The following LLGL1 variants were observed in gnomAD, a reference collection of about 807,000 sequenced individuals.
LLGL1 encodes LLGL scribble cell polarity complex component 1.
A neutral mutation model predicts 110.6 loss-of-function variants in LLGL1; 58 were observed. The ratio of observed to expected loss-of-function variants is 0.52; its 90% confidence interval spans 0.42 to 0.65. LLGL1 has a LOEUF of 0.65. Ranked by LOEUF, LLGL1 falls within the 30% of genes least tolerant of loss-of-function variation. LLGL1 has a pLI of 0.00. For synonymous variants in LLGL1, 674 were observed against 607.2 expected, an observed-to-expected ratio of 1.11 and a Z score of -1.62; for missense variants, 1,229 against 1,462.1, an observed-to-expected ratio of 0.84 and a Z score of 2.60.
At chr17:18,226,892 A>G (rs1252335741) in intron 1 of LLGL1, among the ~76,000 whole-genome samples, 1 of 152,258 alleles carries the variant, frequency 6.6e-6, no homozygotes, top group African/African-American at 2.4e-5. Context: ...GTGCTCTTCG[A>G]AATTAGAGTT....
At chr17:18,241,356 G>C (rs1434805827) in intron 17 of LLGL1, 95 bp from the exon 18 acceptor site, 2 of 1,478,272 alleles carry the variant, frequency 1.4e-6, no homozygotes, top group African/African-American at 2.8e-5. Context: ...GCTGGGCTTT[G>C]TGGTGGGGGC....
At chr17:18,233,474 G>T (rs2047615120) in intron 4 of LLGL1, among the ~76,000 whole-genome samples, 1 of 152,160 alleles carries the variant, frequency 6.6e-6, no homozygotes, top group Admixed American at 6.5e-5. Flanking sequence ...TCAGCGGGGA[G>T]CTCCTGGTCC....
chr17:18,238,470 T>C lies in LLGL1; in HGVS notation c.2067T>C (p.Asn689=), dbSNP rs2047746581. Residue 689 remains asparagine (N), a synonymous_variant, in exon 16 of 23, where the codon AAT becomes AAC. Transcript: ENST00000316843. ...ANASSKLQEA[N]AQLAEQACPH... is the part of the protein sequence containing the mutation. ...CCGCCCGGCAGTTGCAGGAAGCCAA[T>C]GCACAGCTGGCTGAGCAGGCCTGCC... is the stretch of plus-strand genomic sequence containing the variant. 3.1e-6 allele frequency: 5 copies of C among 1,610,672 alleles called. No homozygotes were observed. The highest frequency in any genetic ancestry group is 1.3e-5 in the African/African-American group (1 of 74,898).
chr17:18,242,831 G>T lies in LLGL1; in HGVS notation c.*1+9G>T. 1.9e-6 allele frequency: 3 copies of T among 1,546,826 alleles called. No individual in the cohort carries two copies. Among genetic ancestry groups the T allele is most frequent in the Non-Finnish European group, 2.6e-6 (3 of 1,145,738 alleles). ...CATCCTGATCAAATGAGGTGCTGCAGGGGTGGGGCCCTGGTCCTCACCACT... is the reference window on the plus strand; with the variant it reads ...CATCCTGATCAAATGAGGTGCTGCATGGGTGGGGCCCTGGTCCTCACCACT... On this transcript the variant is annotated intron_variant, in intron 22 of 22. Coordinates refer to ENST00000316843, the MANE Select transcript of LLGL1 (RefSeq NM_004140.4).
At chr17:18,231,017 T>A (rs1056575849) in intron 2 of LLGL1, among the ~76,000 whole-genome samples, 1 of 152,180 alleles carries the variant, frequency 6.6e-6, no homozygotes, top group Non-Finnish European at 1.5e-5. Context: ...CTGCTCCCAC[T>A]CCTGTGGGTG....
In LLGL1 at chr17:18,238,153, T is replaced by C; in HGVS notation, c.1991T>C (p.Phe664Ser). ...KSLKKSLRQSFRRIRKSRVSG... is the reference protein window; with the variant it reads ...KSLKKSLRQSSRRIRKSRVSG... ...CTCAAGAAGTCACTGCGCCAGTCTT[T>C]CCGGCGCATTCGCAAGAGTCGTGTC... is the stretch of plus-strand genomic sequence containing the variant. Residue 664 changes from phenylalanine (F) to serine (S), a missense_variant, in exon 15 of 23, where the codon TTC becomes TCC. Phe to Ser is a radical substitution (Grantham distance 155, BLOSUM62 -2). Transcript: ENST00000316843. 1.9e-6 allele frequency: 3 copies of C among 1,613,564 alleles called. No homozygotes were observed. The highest frequency in any genetic ancestry group is 1.1e-5 in the South Asian group (1 of 91,082).
chr17:18,236,538 A>G (rs2047697699), intron 11 of LLGL1, 69 bp from the exon 12 acceptor site: 2 of 1,477,510 alleles, frequency 1.4e-6, no homozygotes, highest in Non-Finnish European at 9.2e-7. Context: ...TGGTTATCAG[A>G]TGAGTGAATG....
chr17:18,242,061 C>T, intron 19 of LLGL1, 62 bp downstream of exon 19: 3 of 1,549,208 alleles, frequency 1.9e-6, no homozygotes, highest in Non-Finnish European at 2.7e-6. Context: ...CTCATCCCAC[C>T]CCCGAGATCT....
In LLGL1 at chr17:18,242,770, G is replaced by A; in HGVS notation, c.3144G>A (p.Leu1048=). ...LGSSEESEKN[L]RNLAEDEAHA... ...CCTCTGAGGAGTCAGAGAAGAACCT[G>A]AGGAACCTGGCAGAAGACGAGGCCC... The change falls in exon 22 of 23, where the codon CTG becomes CTA. Residue 1048 remains leucine (L), a synonymous_variant. Coordinates refer to ENST00000316843, the MANE Select transcript of LLGL1 (RefSeq NM_004140.4). 2 of 1,569,592 alleles carry A rather than the reference G, an allele frequency of 1.3e-6. No individual in the cohort carries two copies. Among genetic ancestry groups the A allele is most frequent in the Non-Finnish European group, 1.7e-6 (2 of 1,156,866 alleles).
intron 22 of LLGL1, among the ~76,000 whole-genome samples, chr17:18,243,129 A>G (rs756059356): frequency 1.3e-5 from 2 of 150,252 alleles, no homozygotes; most frequent in Non-Finnish European, 2.9e-5. Context: ...TGTTTTTGAG[A>G]CGGAGTCTTG....
rs145135032 is a variant in LLGL1, at chr17:18,236,877, G to C, written c.1549G>C (p.Val517Leu). 59 of 1,613,858 alleles carry C rather than the reference G, an allele frequency of 3.7e-5. No homozygotes were observed. Among genetic ancestry groups the C allele is most frequent in the Non-Finnish European group, 4.8e-5 (57 of 1,179,990 alleles). ...CTACAGTGACGATCCCCGGCTTGGCGTGCAGAAGGTTGCTCTCTGCAAGTA... is the reference window on the plus strand; with the variant it reads ...CTACAGTGACGATCCCCGGCTTGGCCTGCAGAAGGTTGCTCTCTGCAAGTA... The part of the protein sequence containing the change: ...DPYSDDPRLG[V>L]QKVALCKYTA... Residue 517 changes from valine to leucine, a missense_variant, in exon 13 of 23, where the codon GTG becomes CTG. Coordinates refer to ENST00000316843, the MANE Select transcript of LLGL1 (RefSeq NM_004140.4).
At position 18,234,403 on chromosome 17, in the gene LLGL1, C is replaced by G; in HGVS notation, c.845C>G (p.Pro282Arg). 6.2e-7 allele frequency: 1 copy of G among 1,612,580 alleles called. No individual in the cohort carries two copies. Reference sequence around the variant, plus strand: ...CTGCAGCCCACGGTAGCCACCACACCTTACGGTGAGTGCTGGGGACACCTT... The same window carrying G: ...CTGCAGCCCACGGTAGCCACCACACGTTACGGTGAGTGCTGGGGACACCTT... ...PTLQPTVATT[P>R]YGPFPCKAIN... The change falls in exon 7 of 23, where the codon CCT becomes CGT. Residue 282 changes from proline to arginine, a missense_variant. Transcript: ENST00000316843.
Position 18,241,662 on chromosome 17 carries a change from G to C in LLGL1, c.2714G>C (p.Arg905Pro). The C allele has an allele frequency of 6.2e-7, 1 of 1,613,688 alleles. No individual in the cohort carries two copies. Among genetic ancestry groups the C allele is most frequent in the Non-Finnish European group, 8.5e-7 (1 of 1,180,022 alleles). Residue 905 changes from arginine to proline, a missense_variant, in exon 18 of 23, where the codon CGG becomes CCG. Transcript: ENST00000316843. Reference sequence around the variant, plus strand: ...CCCCAGGTGCACTATTCCTGCATCCGGAAGGAGGACATCAGCGGCATCGCT... The same window carrying C: ...CCCCAGGTGCACTATTCCTGCATCCCGAAGGAGGACATCAGCGGCATCGCT... Reference protein sequence around the residue: ...LRPQVHYSCIRKEDISGIASC... With the variant: ...LRPQVHYSCIPKEDISGIASC...
Position 18,233,874 on chromosome 17 carries a change from G to A in LLGL1, c.489G>A (p.Leu163=). 1.2e-6 allele frequency: 2 copies of A among 1,613,756 alleles called. No homozygotes were observed. Among genetic ancestry groups the A allele is most frequent in the Non-Finnish European group, 1.7e-6 (2 of 1,180,018 alleles). The change falls in exon 5 of 23, where the codon CTG becomes CTA. Residue 163 remains leucine, a synonymous_variant. Coordinates refer to ENST00000316843, the MANE Select transcript of LLGL1 (RefSeq NM_004140.4). ...LGTEGSSVFF[L]DVTTLTLLEG... ...CTGAGGGCAGCAGTGTCTTCTTCCT[G>A]GATGTTACCACCCTGACCCTGCTCG...
In LLGL1 at chr17:18,234,640, A is replaced by AC; in HGVS notation, c.851-5dup. ...AGTGAGTCTGGTCTGACGCTGTCCCACCCCTCAGGCCCCTTTCCCTGCAAG... is the reference window on the plus strand; with the variant it reads ...AGTGAGTCTGGTCTGACGCTGTCCCACCCCCTCAGGCCCCTTTCCCTGCAAG... On this transcript the variant is annotated splice_polypyrimidine_tract_variant and intron_variant, in intron 7 of 22. Coordinates refer to ENST00000316843, the MANE Select transcript of LLGL1 (RefSeq NM_004140.4). The AC allele has an allele frequency of 6.2e-7, 1 of 1,613,848 alleles. No individual in the cohort carries two copies. The highest frequency in any genetic ancestry group is 8.5e-7 in the Non-Finnish European group (1 of 1,179,944).
intron 20 of LLGL1, 40 bp from the exon 21 acceptor site, chr17:18,242,468 C>G (rs1279051457): frequency 3.7e-6 from 6 of 1,612,190 alleles, no homozygotes; most frequent in Non-Finnish European, 4.2e-6. Flanking sequence ...GCAGAGGGTG[C>G]TAAGGGTCCT....
Position 18,232,510 on chromosome 17 carries a change from C to T in LLGL1, c.195C>T (p.Gly65=), listed in dbSNP as rs547118381. ...CCACCCTCAGCTATGGTGCACCTGG[C>T]GTGGAGTTCACAGGCCTGCACCGGG... ...SGAVKIYGAP[G]VEFTGLHRDA... is the part of the protein sequence containing the mutation. The change falls in exon 3 of 23, where the codon GGC becomes GGT. Residue 65 remains glycine, a synonymous_variant. Coordinates refer to ENST00000316843, the MANE Select transcript of LLGL1 (RefSeq NM_004140.4). 16 of 1,613,900 alleles carry T rather than the reference C, an allele frequency of 9.9e-6. No individual in the cohort carries two copies. In the African/African-American group the frequency reaches 1.5e-4, roughly 15 times the overall value.
At chr17:18,232,418 A>C in intron 2 of LLGL1, 77 bp from the exon 3 acceptor site, 1 of 1,318,000 alleles carries the variant, frequency 7.6e-7, no homozygotes, top group Non-Finnish European at 1.1e-6. Flanking sequence ...AGTCCGGGTC[A>C]AGGAGGAGCC....
rs202012728 is a variant in LLGL1, at chr17:18,236,861, C to G, written c.1533C>G (p.Asp511Glu). ...TGGGCTGCTTCGATCCCTACAGTGACGATCCCCGGCTTGGCGTGCAGAAGG... is the reference window on the plus strand; with the variant it reads ...TGGGCTGCTTCGATCCCTACAGTGAGGATCCCCGGCTTGGCGTGCAGAAGG... ...RKVGCFDPYS[D>E]DPRLGVQKVA... Residue 511 changes from aspartate to glutamate, a missense_variant, in exon 13 of 23, where the codon GAC becomes GAG. Physicochemically the swap from Asp to Glu is conservative, Grantham distance 45 (BLOSUM62 2). Transcript: ENST00000316843. 8.1e-6 allele frequency: 13 copies of G among 1,613,778 alleles called. No individual in the cohort carries two copies. Among genetic ancestry groups the G allele is most frequent in the Non-Finnish European group, 1.0e-5 (12 of 1,179,984 alleles).
Sources: allele counts gnomAD v4.1 joint callset (sites outside exome capture counted in the v4.1 genomes callset), GRCh38; gene constraint gnomAD v4.1.1; transcripts MANE v1.5; gene names NCBI Gene and HGNC (gene_info 2026-07-23, HGNC 2026-07-21).